Variants in SH3PXD2A observed in about 807,000 individuals in gnomAD.
The protein encoded by SH3PXD2A is SH3 and PX domains 2A, also known as SH3 and PX domain-containing protein 2A.
Under a neutral mutation model 115.2 loss-of-function variants are expected in SH3PXD2A, and 32 were observed. The ratio of observed to expected loss-of-function variants is 0.28; its 90% CI spans 0.21 to 0.37. The LOEUF (loss-of-function observed/expected upper bound fraction) is 0.37, where lower values mean the gene tolerates loss of function less well. Among genes scored for constraint, SH3PXD2A ranks in the 10% least tolerant of loss-of-function variants. The pLI, the probability that SH3PXD2A is intolerant of heterozygous loss-of-function variation, is 1.00. For missense variants in SH3PXD2A, 1,328 were observed against 1,498.7 expected (o/e 0.89, Z 1.88); for synonymous variants, 610 against 629.1 (o/e 0.97, Z 0.45).
At chr10:103,744,350 T>A (rs892017389) in intron 3 of SH3PXD2A, among the ~76,000 whole-genome samples, 1 of 151,932 alleles carries the variant, frequency 6.6e-6, no homozygotes, top group African/African-American at 2.4e-5. Flanking sequence ...ATGGGGTTTC[T>A]CCATGTTGGT....
chr10:103,623,739 TACA>T (rs1479877248), intron 9 of SH3PXD2A, among the ~76,000 whole-genome samples: 1 of 152,178 alleles, frequency 6.6e-6, no homozygotes, highest in Non-Finnish European at 1.5e-5. Flanking sequence ...TCATCTGTCT[TACA>T]GTGACACCAC....
At position 103,597,926 on chromosome 10, in the gene SH3PXD2A, C is replaced by A. The variant is rs2133897494; in HGVS notation, c.*3890G>T. The A allele has an allele frequency of 6.6e-6, 1 of 152,408 alleles. No individual in the cohort carries two copies. Among genetic ancestry groups the A allele is most frequent in the Admixed American group, 6.5e-5 (1 of 15,290 alleles). The allele number at this position is 152,408 out of a possible 1,614,324, so 9.4% of individuals were successfully genotyped here. ...TTATTAAAAACAAGAACTACCAAAC[C>A]AAGGTCTAAACTTAAATAGTCCTAC... On this transcript the variant is annotated 3_prime_UTR_variant, in exon 15 of 15. Coordinates refer to ENST00000369774, the MANE Select transcript of SH3PXD2A (RefSeq NM_001394015.1).
chr10:103,809,182 C>T lies in SH3PXD2A; in HGVS notation c.73-7820G>A, dbSNP rs1025729220. On this transcript the variant is annotated intron_variant, in intron 1 of 14. Transcript: ENST00000369774. ...ATTCTTAGGGTGGGGAGAGAGGTGA[C>T]GCTGCAGATTTGGGGAACAACCACC... Among the ~76,000 whole-genome samples the T allele has an allele frequency of 7.2e-5, 11 of 152,180 alleles. No homozygotes were observed. In the East Asian group the frequency reaches 9.7e-4, roughly 13 times the overall value.
rs114400132 is a variant in SH3PXD2A at position 103,822,357 on chromosome 10, T to C, written c.73-20995A>G. Among the ~76,000 whole-genome samples the C allele has an allele frequency of 6.5e-3, 991 of 152,382 alleles. 10 individuals are homozygous for C. The highest frequency in any genetic ancestry group is 0.022 in the African/African-American group (930 of 41,600). On this transcript the variant is annotated intron_variant, in intron 1 of 14. Transcript: ENST00000369774. ...CTCTAAGCAAAGACAGGGTGCTTCCTATGCAGATGTAACCCCTAGCTGTCC... is the reference window on the plus strand; with the variant it reads ...CTCTAAGCAAAGACAGGGTGCTTCCCATGCAGATGTAACCCCTAGCTGTCC...
chr10:103,605,951 G>T (rs557595641), intron 13 of SH3PXD2A, 34 bp from the exon 14 acceptor site: 17 of 1,608,554 alleles, frequency 1.1e-5, no homozygotes, highest in African/African-American at 1.3e-5. Flanking sequence ...GGCAAAACCC[G>T]CCTAAATCAG....
intron 3 of SH3PXD2A, among the ~76,000 whole-genome samples, chr10:103,736,158 C>T (rs1469762566): frequency 6.6e-6 from 1 of 152,230 alleles, no homozygotes; most frequent in Non-Finnish European, 1.5e-5. Flanking sequence ...CAAAGTAGAG[C>T]CCAGCCCACA....
chr10:103,664,860 A>C (rs946983574), intron 7 of SH3PXD2A, among the ~76,000 whole-genome samples: 1 of 151,924 alleles, frequency 6.6e-6, no homozygotes, highest in East Asian at 1.9e-4. Flanking sequence ...TTTAGTAGAG[A>C]TGGAGTTTCA....
At chr10:103,695,648 C>T (rs1442022865) in intron 5 of SH3PXD2A, among the ~76,000 whole-genome samples, 1 of 152,158 alleles carries the variant, frequency 6.6e-6, no homozygotes, top group Non-Finnish European at 1.5e-5. Context: ...AATTCAGATG[C>T]AGGGCCCCAC....
Position 103,602,480 on chromosome 10 carries a change from G to T in SH3PXD2A, c.2738C>A (p.Pro913His), listed in dbSNP as rs770642110. The stretch of plus-strand genomic sequence containing the variant: ...GCCTTCGTTCTGCCTGCCCTTGGCG[G>T]GCACTGTGTCCAGCTCTTTGCCAGA... ...DPSGKELDTV[P>H]AKGRQNEGKS... Residue 913 changes from proline to histidine, a missense_variant, in exon 15 of 15, where the codon CCC becomes CAC. Coordinates refer to ENST00000369774, the MANE Select transcript of SH3PXD2A (RefSeq NM_001394015.1). The T allele has an allele frequency of 6.2e-7, 1 of 1,614,174 alleles. No individual in the cohort carries two copies.
intron 6 of SH3PXD2A, among the ~76,000 whole-genome samples, chr10:103,687,883 G>A (rs2037699328): frequency 6.6e-6 from 1 of 152,076 alleles, no homozygotes. Context: ...ACTGCATCAT[G>A]AGCAGCCAGC....
intron 3 of SH3PXD2A, among the ~76,000 whole-genome samples, chr10:103,757,706 C>T (rs756591763): frequency 6.6e-6 from 1 of 152,186 alleles, no homozygotes; most frequent in Non-Finnish European, 1.5e-5. Flanking sequence ...GTCTGCAGCT[C>T]GGAGTCTGGA....
At chr10:103,648,017 C>A (rs1208962025) in intron 8 of SH3PXD2A, among the ~76,000 whole-genome samples, 2 of 152,166 alleles carry the variant, frequency 1.3e-5, no homozygotes. Context: ...AACGTGCTAG[C>A]CACTTCTTTG....
chr10:103,605,876 C>G lies in SH3PXD2A; in HGVS notation c.1350G>C (p.Glu450Asp). The part of the protein sequence containing the change: ...LPKPPEPPSV[E>D]VEYYTIAEFQ... ...ATTCGGCAATGGTGTAGTACTCCAC[C>G]TCAACAGAAGGGGGCTCTGGTGGCT... is the stretch of plus-strand genomic sequence containing the variant. Residue 450 changes from glutamate to aspartate, a missense_variant, in exon 14 of 15, where the codon GAG (glutamate) becomes GAC (aspartate). Around this residue, in one of 5 missense-constraint regions of SH3PXD2A, gnomAD observed 509 missense variants for 628.3 expected, o/e 0.81. Coordinates refer to ENST00000369774, the MANE Select transcript of SH3PXD2A (RefSeq NM_001394015.1). The G allele has an allele frequency of 6.2e-7, 1 of 1,613,962 alleles. No individual in the cohort carries two copies. Among genetic ancestry groups the G allele is most frequent in the South Asian group, 1.1e-5 (1 of 91,074 alleles).
chr10:103,689,017 C>A (rs998729431), intron 6 of SH3PXD2A, among the ~76,000 whole-genome samples: 1 of 152,216 alleles, frequency 6.6e-6, no homozygotes, highest in East Asian at 1.9e-4. Flanking sequence ...CAGGCCTGCA[C>A]CACTACATCC....
chr10:103,729,169 G>A (rs2038283747), intron 4 of SH3PXD2A, among the ~76,000 whole-genome samples: 1 of 152,114 alleles, frequency 6.6e-6, no homozygotes, highest in South Asian at 2.1e-4. Context: ...CAAAGTGCTG[G>A]GATTACAGGC....
chr10:103,624,036 G>C (rs2133952105), intron 9 of SH3PXD2A, among the ~76,000 whole-genome samples: 1 of 152,336 alleles, frequency 6.6e-6, no homozygotes, highest in Middle Eastern at 3.4e-3. Context: ...TTACAAATGG[G>C]GAGACAGAGG....
At chr10:103,682,338 A>T (rs1412844300) in intron 6 of SH3PXD2A, among the ~76,000 whole-genome samples, 1 of 152,246 alleles carries the variant, frequency 6.6e-6, no homozygotes, top group Non-Finnish European at 1.5e-5. Flanking sequence ...CATCACCGCC[A>T]CGTGGGCTGG....
chr10:103,603,217 T>G lies in SH3PXD2A; in HGVS notation c.2001A>C (p.Ser667=). ...SPKSGSPKSS[S]LLKLKAEKNA... ...TCTTCTCTGCCTTGAGCTTTAGGAG[T>G]GATGATGACTTGGGGGAGCCTGATT... The change falls in exon 15 of 15, where the codon TCA becomes TCC. Residue 667 remains serine, a synonymous_variant. Coordinates refer to ENST00000369774, the MANE Select transcript of SH3PXD2A (RefSeq NM_001394015.1). 1 of 1,613,980 alleles carries G rather than the reference T, an allele frequency of 6.2e-7. No homozygotes were observed. The highest frequency in any genetic ancestry group is 8.5e-7 in the Non-Finnish European group (1 of 1,180,000).
intron 3 of SH3PXD2A, among the ~76,000 whole-genome samples, chr10:103,749,488 G>A (rs1332908407): frequency 1.3e-5 from 2 of 152,164 alleles, no homozygotes; most frequent in Non-Finnish European, 2.9e-5. Flanking sequence ...TGTGCTTCCA[G>A]GCTACATCTG....
Sources: gnomAD v4.1 joint callset for allele counts (sites outside exome capture counted in the v4.1 genomes callset) on GRCh38, gnomAD v4.1.1 for gene constraint, gnomAD v4.1.1 regional missense constraint, MANE v1.5 for transcripts, NCBI Gene and HGNC (gene_info 2026-07-23, HGNC 2026-07-21) for gene names.